The following GALNT18 variants were observed in gnomAD, a reference collection of about 807,000 sequenced individuals.
GALNT18 encodes GalNAc-transferase 18.
Under a neutral mutation model 69.5 loss-of-function variants are expected in GALNT18, and 44 were observed. The observed-to-expected ratio is 0.63, with a 90% CI of 0.50 to 0.81. GALNT18 has a LOEUF of 0.81. GALNT18 is among the 40% of genes least tolerant of loss of function. The pLI, the probability that GALNT18 is intolerant of heterozygous loss-of-function variation, is 0.00. For synonymous variants in GALNT18, 364 were observed against 318.2 expected (o/e 1.14, Z -1.53); for missense variants, 715 against 810.0 (o/e 0.88, Z 1.42).
chr11:11,344,214 C>G (rs981055833), intron 6 of GALNT18, among the ~76,000 whole-genome samples: 1 of 151,814 alleles, frequency 6.6e-6, no homozygotes, highest in Non-Finnish European at 1.5e-5. Context: ...GCTACAGCCT[C>G]TATGCTGTAG....
At chr11:11,512,922 T>C (rs115876523) in intron 1 of GALNT18, among the ~76,000 whole-genome samples, 3,943 of 152,300 alleles carry the variant, frequency 0.026, 125 homozygotes, top group African/African-American at 0.068. Context: ...TGTGTGTGTG[T>C]CTGTGTGCGT....
intron 1 of GALNT18, among the ~76,000 whole-genome samples, chr11:11,526,062 T>C (rs752655704): frequency 5.9e-5 from 9 of 152,122 alleles, no homozygotes; most frequent in Non-Finnish European, 8.8e-5. Context: ...CCAGAGGCAG[T>C]GTAGACATTT....
chr11:11,343,675 C>T (rs1017547444), intron 6 of GALNT18, among the ~76,000 whole-genome samples: 7 of 152,284 alleles, frequency 4.6e-5, no homozygotes, highest in Admixed American at 4.6e-4. Flanking sequence ...AAGTTATTGA[C>T]AACACAAAGA....
At chr11:11,457,061 A>G (rs1022050091) in intron 1 of GALNT18, among the ~76,000 whole-genome samples, 1 of 152,218 alleles carries the variant, frequency 6.6e-6, no homozygotes, top group Non-Finnish European at 1.5e-5. Context: ...GCACATCTGG[A>G]GGCCCTGCCA....
chr11:11,291,369 T>C (rs1590013642), intron 10 of GALNT18, among the ~76,000 whole-genome samples: 1 of 152,350 alleles, frequency 6.6e-6, no homozygotes, highest in African/African-American at 2.4e-5. Flanking sequence ...ACCTTGGGCA[T>C]GTTCGTTAAC....
chr11:11,310,007 C>G, intron 9 of GALNT18, among the ~76,000 whole-genome samples: 1 of 152,150 alleles, frequency 6.6e-6, no homozygotes, highest in East Asian at 1.9e-4. Context: ...AAAGCAAATC[C>G]AAATGCACAC....
rs529889891 is a variant in GALNT18 at position 11,367,810 on chromosome 11, T to C, written c.1092+4705A>G. ...TCAGTATCAGAAATTTAACAAGTCT[T>C]ACATTTTCCATAGAAATCTTTGCAT... On this transcript the variant is annotated intron_variant, in intron 6 of 10. Coordinates refer to ENST00000227756, the MANE Select transcript of GALNT18 (RefSeq NM_198516.3). Among the ~76,000 whole-genome samples, 35 of 152,368 alleles carry C rather than the reference T, an allele frequency of 2.3e-4. No individual in the cohort carries two copies. In the South Asian group the frequency reaches 5.0e-3, roughly 22 times the overall value.
At chr11:11,589,889 A>G (rs1479693214) in intron 1 of GALNT18, among the ~76,000 whole-genome samples, 2 of 152,200 alleles carry the variant, frequency 1.3e-5, no homozygotes, top group South Asian at 2.1e-4. Flanking sequence ...GAGAGTCCAC[A>G]TAGGCAATCA....
At chr11:11,334,317 C>T (rs753281751) in intron 7 of GALNT18, among the ~76,000 whole-genome samples, 8 of 151,986 alleles carry the variant, frequency 5.3e-5, no homozygotes, top group African/African-American at 9.7e-5. Context: ...CCAAGTCAGG[C>T]GGATCACAAG....
Position 11,511,560 on chromosome 11 carries a change from T to C in GALNT18, c.236-62624A>G, listed in dbSNP as rs546980704. 2.0e-5 allele frequency among the ~76,000 whole-genome samples: 3 copies of C among 152,316 alleles called. No homozygotes were observed. The highest frequency in any genetic ancestry group is 6.5e-5 in the Admixed American group (1 of 15,304). On this transcript the variant is annotated intron_variant, in intron 1 of 10. Transcript: ENST00000227756. The surrounding 1 kb of genome is among the most constrained non-coding windows in gnomAD (Gnocchi z 4.9). ...TCTGAGAAAAGGCTTGGACTATCTC[T>C]CCAGAAAATGCATACATGTGCACAC...
chr11:11,352,497 A>C, intron 6 of GALNT18: 1 of 1,614,162 alleles, frequency 6.2e-7, no homozygotes, highest in Non-Finnish European at 8.5e-7. Flanking sequence ...ATAATCGTAC[A>C]TCTGATAGTC....
rs12275861 is a variant in GALNT18 at position 11,358,605 on chromosome 11, T to G, written c.1092+13910A>C. Among the ~76,000 whole-genome samples, 165 of 140,386 alleles carry G rather than the reference T, an allele frequency of 1.2e-3. 25 individuals are homozygous for G. Among genetic ancestry groups the G allele is most frequent in the South Asian group, 2.2e-3 (10 of 4,576 alleles). The allele number at this position is 140,386 out of a possible 152,430, so 92.1% of individuals were successfully genotyped here. A position where few individuals can be genotyped will look rare whatever the true frequency, so the allele number is the denominator to read the frequency against. On this transcript the variant is annotated intron_variant, in intron 6 of 10. Coordinates refer to ENST00000227756, the MANE Select transcript of GALNT18 (RefSeq NM_198516.3). ...GCTTTGGGTCATTGGGAAAATTCCC[T>G]TTGGAAGCACAAAGGCCTGCAAGCT...
rs539553995 is a variant in GALNT18 at position 11,372,877 on chromosome 11, T to C, written c.978-248A>G. Among the ~76,000 whole-genome samples, 15 of 152,248 alleles carry C rather than the reference T, an allele frequency of 9.9e-5. No individual in the cohort carries two copies. Among genetic ancestry groups the C allele is most frequent in the South Asian group, 2.1e-4 (1 of 4,818 alleles). ...AGCTATTAGTGGGGTGGTGCTTGTG[T>C]GTGTGTTAGCTTTGAGAATTGGTGC... On this transcript the variant is annotated intron_variant, in intron 5 of 10. Coordinates refer to ENST00000227756, the MANE Select transcript of GALNT18 (RefSeq NM_198516.3). This position sits in a 1 kb window ranked among gnomAD's most constrained non-coding sequence, Gnocchi z 4.9.
chr11:11,452,735 G>T lies in GALNT18; in HGVS notation c.236-3799C>A, dbSNP rs540109321. 5.9e-5 allele frequency among the ~76,000 whole-genome samples: 9 copies of T among 152,248 alleles called. No individual in the cohort carries two copies. The East Asian group carries it at 1.7e-3, about 29-fold the overall frequency. On this transcript the variant is annotated intron_variant, in intron 1 of 10. Coordinates refer to ENST00000227756, the MANE Select transcript of GALNT18 (RefSeq NM_198516.3). ...CTTCTACAGGGGTCCTGGGGTGTTTGGCATATCTGGTGATACCCAGACCCT... is the reference window on the plus strand; with the variant it reads ...CTTCTACAGGGGTCCTGGGGTGTTTTGCATATCTGGTGATACCCAGACCCT...
rs115375680 is a variant in GALNT18 at position 11,282,030 on chromosome 11, C to A, written c.1678-10740G>T. ...GATATGGACAGAGGGACCAGGCCACCCTTTGATGCTGGAGCTCTTCAACAA... is the reference window on the plus strand; with the variant it reads ...GATATGGACAGAGGGACCAGGCCACACTTTGATGCTGGAGCTCTTCAACAA... On this transcript the variant is annotated intron_variant, in intron 10 of 10. Transcript: ENST00000227756. Among the ~76,000 whole-genome samples, 1,302 of 152,138 alleles carry A rather than the reference C, an allele frequency of 8.6e-3. 22 individuals are homozygous for A. The highest frequency in any genetic ancestry group is 0.029 in the African/African-American group (1,219 of 41,486).
In GALNT18 at chr11:11,541,790, A is replaced by C. The variant is rs530558135; in HGVS notation, c.235+79569T>G. 7.6e-6 allele frequency among the ~76,000 whole-genome samples: 1 copy of C among 131,472 alleles called. No homozygotes were observed. Among genetic ancestry groups the C allele is most frequent in the East Asian group, 2.3e-4 (1 of 4,372 alleles). 86.3% of individuals were successfully genotyped at this position (131,472 alleles called of 152,430 possible). A position where few individuals can be genotyped will look rare whatever the true frequency, so the allele number is the denominator to read the frequency against. On this transcript the variant is annotated intron_variant, in intron 1 of 10. Transcript: ENST00000227756. This position sits in a 1 kb window ranked among gnomAD's most constrained non-coding sequence, Gnocchi z 4.8. ...AGATGCTCAGACTACCCTCTCCTGG[A>C]ACTTTCCACGTGAGCCTAGGGCACA...
chr11:11,491,133 G>C (rs1856763206), intron 1 of GALNT18, among the ~76,000 whole-genome samples: 1 of 152,160 alleles, frequency 6.6e-6, no homozygotes, highest in Admixed American at 6.5e-5. Flanking sequence ...GTTGTCACTA[G>C]GGAGTCAGAA....
chr11:11,385,386 C>T (rs1854027636), intron 3 of GALNT18, among the ~76,000 whole-genome samples: 2 of 151,702 alleles, frequency 1.3e-5, no homozygotes, highest in South Asian at 2.1e-4. Context: ...AGCTCCGCCT[C>T]CCGGGTTCAT....
intron 3 of GALNT18, among the ~76,000 whole-genome samples, chr11:11,411,925 G>A (rs2133758058): frequency 6.6e-6 from 1 of 152,340 alleles, no homozygotes; most frequent in East Asian, 1.9e-4. Context: ...GTCAGCCACT[G>A]GTTCTGGGCC....
Sources: allele counts gnomAD v4.1 joint callset (sites outside exome capture counted in the v4.1 genomes callset), GRCh38; gene constraint gnomAD v4.1.1; non-coding constraint Gnocchi (gnomAD v3.1); transcripts MANE v1.5; gene names NCBI Gene and HGNC (gene_info 2026-07-23, HGNC 2026-07-21).